FBXO10: variants seen among roughly 807,000 people sequenced by gnomAD.
FBXO10 encodes the protein F-box only protein 10.
FBXO10 carries 39 observed loss-of-function variants against 80.7 expected under a neutral mutation model. The ratio of observed to expected loss-of-function variants is 0.48; its 90% confidence interval spans 0.37 to 0.63. The LOEUF (loss-of-function observed/expected upper bound fraction) is 0.63. Ranked by LOEUF, FBXO10 falls within the 30% of genes least tolerant of loss-of-function variation. The pLI is 0.00. For synonymous variants in FBXO10, 449 were observed against 489.6 expected (o/e 0.92, Z 1.09); for missense variants, 1,025 against 1,269.0 (o/e 0.81, Z 2.92).
At chr9:37,550,399 G>A (rs534994865) in intron 1 of FBXO10, among the ~76,000 whole-genome samples, 1 of 151,192 alleles carries the variant, frequency 6.6e-6, no homozygotes, top group South Asian at 2.1e-4. Context: ...TGGCCAGGCT[G>A]GTCTCAAACT....
In FBXO10 at chr9:37,537,812, G is replaced by T. The variant is rs189772549; in HGVS notation, c.717C>A (p.Pro239=). The T allele has an allele frequency of 3.1e-6, 5 of 1,613,934 alleles. No homozygotes were observed. The highest frequency in any genetic ancestry group is 4.2e-6 in the Non-Finnish European group (5 of 1,179,882). Residue 239 remains proline (P), a synonymous_variant, in exon 3 of 11, where the codon CCC becomes CCA. Coordinates refer to ENST00000432825, the MANE Select transcript of FBXO10 (RefSeq NM_012166.3). ...KNTHIFLHNV[P]LCVLENCEFV... ...ATTCACAGTTTTCCAGGACACACAGGGGCACGTTGTGCAGGAAGATATGGG... is the reference window on the plus strand; with the variant it reads ...ATTCACAGTTTTCCAGGACACACAGTGGCACGTTGTGCAGGAAGATATGGG...
At chr9:37,571,749 T>TATATATATATA (rs1554649990) in intron 1 of FBXO10, among the ~76,000 whole-genome samples, 3 of 66,646 alleles carry the variant, frequency 4.5e-5, no homozygotes, top group African/African-American at 1.8e-4. Context: ...ATATATATAT[T>TATATATATATA]TCCTTATTGA....
At position 37,529,362 on chromosome 9, in the gene FBXO10, G is replaced by A. The variant is rs924199585; in HGVS notation, c.1570-102C>T. Reference sequence around the variant, plus strand: ...CCTCCGCGGCAGGATGAACACAGTGGAGAAAATGACGTCACTGTAAGAGCC... The same window carrying A: ...CCTCCGCGGCAGGATGAACACAGTGAAGAAAATGACGTCACTGTAAGAGCC... On this transcript the variant is annotated intron_variant, in intron 4 of 10. Coordinates refer to ENST00000432825, the MANE Select transcript of FBXO10 (RefSeq NM_012166.3). 3.0e-6 allele frequency: 4 copies of A among 1,321,424 alleles called. No homozygotes were observed. In the African/African-American group the frequency reaches 4.4e-5, roughly 15 times the overall value. The allele number at this position is 1,321,424 out of a possible 1,614,324, so 81.9% of individuals were successfully genotyped here.
rs1289774906 is a variant in FBXO10 at position 37,540,513 on chromosome 9, G to A, written c.585+671C>T. On this transcript the variant is annotated intron_variant, in intron 2 of 10. Coordinates refer to ENST00000432825, the MANE Select transcript of FBXO10 (RefSeq NM_012166.3). ...ATTTTTTATGAGCAGGCAGGAAAGC[G>A]ATATAATTTTTATTGACTACCTACA... Among the ~76,000 whole-genome samples the A allele has an allele frequency of 2.0e-5, 3 of 152,130 alleles. 1 individual carries two copies. The highest frequency in any genetic ancestry group is 4.1e-4 in the South Asian group (2 of 4,836).
At chr9:37,567,383 G>A (rs915416964) in intron 1 of FBXO10, among the ~76,000 whole-genome samples, 4 of 151,526 alleles carry the variant, frequency 2.6e-5, no homozygotes, top group Admixed American at 6.6e-5. Context: ...GGGCTCAAGC[G>A]ATCCTCCTGC....
At chr9:37,515,738 C>T in intron 10 of FBXO10, 166 bp downstream of exon 10, 1 of 699,416 alleles carries the variant, frequency 1.4e-6, no homozygotes, top group Non-Finnish European at 2.5e-6. Flanking sequence ...GAGTCCTCAG[C>T]CCGGGCCTGA....
intron 1 of FBXO10, among the ~76,000 whole-genome samples, chr9:37,547,355 C>A (rs1228001998): frequency 6.6e-6 from 1 of 151,966 alleles, no homozygotes; most frequent in Non-Finnish European, 1.5e-5. Context: ...TTTGGGAGGT[C>A]CAGGTAGGTG....
In FBXO10 at chr9:37,537,182, G is replaced by T. The variant is rs764372618; in HGVS notation, c.1347C>A (p.His449Gln). ...DGKGGVFVCSHGRAKMEGNIF... is the reference protein window; with the variant it reads ...DGKGGVFVCSQGRAKMEGNIF... ...TGTTTCCTTCCATCTTGGCTCTGCC[G>T]TGGGAGCAGACGAAGACGCCTCCCT... is the stretch of plus-strand genomic sequence containing the variant. Residue 449 changes from histidine to glutamine, a missense_variant, in exon 3 of 11, where the codon CAC becomes CAA. By Grantham distance (24) the His-to-Gln change is conservative (BLOSUM62 0). Coordinates refer to ENST00000432825, the MANE Select transcript of FBXO10 (RefSeq NM_012166.3). 2.5e-6 allele frequency: 4 copies of T among 1,613,960 alleles called. No homozygotes were observed. In the African/African-American group the frequency reaches 4.0e-5, roughly 16 times the overall value.
chr9:37,569,167 C>G, intron 1 of FBXO10, among the ~76,000 whole-genome samples: 1 of 151,382 alleles, frequency 6.6e-6, no homozygotes, highest in Non-Finnish European at 1.5e-5. Flanking sequence ...AGAGACTTAC[C>G]TAAAACACAG....
At position 37,541,455 on chromosome 9, in the gene FBXO10, C is replaced by A; in HGVS notation, c.314G>T (p.Arg105Met). The A allele has an allele frequency of 6.2e-7, 1 of 1,614,048 alleles. No individual in the cohort carries two copies. Among genetic ancestry groups the A allele is most frequent in the Non-Finnish European group, 8.5e-7 (1 of 1,179,898 alleles). Reference sequence around the variant, plus strand: ...CCCAACACTCAGGGTACGTCGTTCCCTCCTCCGGCGGAATAGAGAAAAGCA... The same window carrying A: ...CCCAACACTCAGGGTACGTCGTTCCATCCTCCGGCGGAATAGAGAAAAGCA... ...SICFSLFRRR[R>M]ERRTLSVGPG... Residue 105 changes from arginine to methionine, a missense_variant, in exon 2 of 11, where the codon AGG becomes ATG. By Grantham distance (91) the Arg-to-Met change is moderately conservative. This residue lies in a region of FBXO10 where 450 missense variants were observed against 499.4 expected (regional missense o/e 0.90). Coordinates refer to ENST00000432825, the MANE Select transcript of FBXO10 (RefSeq NM_012166.3).
chr9:37,527,735 GTA>G (rs1554757720), intron 5 of FBXO10, among the ~76,000 whole-genome samples: 1 of 152,144 alleles, frequency 6.6e-6, no homozygotes, highest in Non-Finnish European at 1.5e-5. Flanking sequence ...TGTACATGTT[GTA>G]TATCACTGCC....
chr9:37,542,835 C>CT (rs1331253013), intron 1 of FBXO10, among the ~76,000 whole-genome samples: 1 of 152,148 alleles, frequency 6.6e-6, no homozygotes, highest in Non-Finnish European at 1.5e-5. Flanking sequence ...CTAAATCCCC[C>CT]TTTTGCTCAA....
At chr9:37,557,932 A>G (rs1487663416) in intron 1 of FBXO10, among the ~76,000 whole-genome samples, 4 of 152,342 alleles carry the variant, frequency 2.6e-5, no homozygotes, top group African/African-American at 9.6e-5. Context: ...ATTTCCTCCC[A>G]GTGGGCGATC....
intron 1 of FBXO10, among the ~76,000 whole-genome samples, chr9:37,545,836 G>A (rs1337153872): frequency 1.3e-5 from 2 of 152,190 alleles, no homozygotes; most frequent in Non-Finnish European, 2.9e-5. Context: ...CAGGCACTGA[G>A]CAGCAAGCTG....
Position 37,541,788 on chromosome 9 carries a change from A to T in FBXO10, c.-6-14T>A. On this transcript the variant is annotated splice_polypyrimidine_tract_variant and intron_variant, in intron 1 of 10. Transcript: ENST00000432825. ...CTCCATGGTCACCTAGGAGACAGAC[A>T]CAAAACAAAAGAGATTTCTGTCTAT... The T allele has an allele frequency of 6.4e-7, 1 of 1,550,710 alleles. No homozygotes were observed. Among genetic ancestry groups the T allele is most frequent in the South Asian group, 1.2e-5 (1 of 83,086 alleles).
At chr9:37,526,470 A>G (rs1342295149) in intron 5 of FBXO10, among the ~76,000 whole-genome samples, 1 of 152,184 alleles carries the variant, frequency 6.6e-6, no homozygotes, top group East Asian at 1.9e-4. Flanking sequence ...TTCCTCACCC[A>G]AAACTCTTTC....
At chr9:37,565,084 A>T (rs565974850) in intron 1 of FBXO10, among the ~76,000 whole-genome samples, 1 of 152,178 alleles carries the variant, frequency 6.6e-6, no homozygotes, top group Non-Finnish European at 1.5e-5. Context: ...TTCTCGTGAT[A>T]GTGAGTCCCA....
At chr9:37,531,549 G>A (rs1219776231) in intron 4 of FBXO10, among the ~76,000 whole-genome samples, 3 of 152,188 alleles carry the variant, frequency 2.0e-5, no homozygotes, top group East Asian at 1.9e-4. Flanking sequence ...TGGTGGGTTC[G>A]CTGCTGTTGT....
At chr9:37,532,198 C>T in intron 3 of FBXO10, 140 bp from the exon 4 acceptor site, 1 of 884,608 alleles carries the variant, frequency 1.1e-6, no homozygotes, top group Non-Finnish European at 1.7e-6. Flanking sequence ...TCAATGCTGG[C>T]ACAGCCACGC....
Sources: gnomAD v4.1 joint callset for allele counts (sites outside exome capture counted in the v4.1 genomes callset) on GRCh38, gnomAD v4.1.1 for gene constraint, gnomAD v4.1.1 regional missense constraint, MANE v1.5 for transcripts, NCBI Gene and HGNC (gene_info 2026-07-23, HGNC 2026-07-21) for gene names.